SMYD2: variants seen among roughly 807,000 people sequenced by gnomAD.
SMYD2 encodes N-lysine methyltransferase SMYD2.
A neutral mutation model predicts 59.1 loss-of-function variants in SMYD2; 53 were observed. The observed-to-expected ratio is 0.90, with a 90% CI of 0.72 to 1.13. The LOEUF (loss-of-function observed/expected upper bound fraction) is 1.13. Among genes scored for constraint, SMYD2 ranks in the 50% most tolerant of loss-of-function variants. The probability of loss-of-function intolerance (pLI) is 0.00; values close to 1 mark genes in which losing one functional copy is unlikely to be tolerated. For missense variants in SMYD2, 494 were observed against 544.7 expected, an observed-to-expected ratio of 0.91 and a Z score of 0.93; for synonymous variants, 208 against 198.8, an observed-to-expected ratio of 1.05 and a Z score of -0.39.
intron 1 of SMYD2, among the ~76,000 whole-genome samples, chr1:214,303,318 A>T (rs1656855958): frequency 1.3e-5 from 2 of 152,126 alleles, no homozygotes; most frequent in South Asian, 4.1e-4. Context: ...TGCACAGTGC[A>T]CATCACGCAG....
chr1:214,307,990 C>G (rs1656941559), intron 2 of SMYD2, among the ~76,000 whole-genome samples: 2 of 152,224 alleles, frequency 1.3e-5, no homozygotes, highest in Admixed American at 1.3e-4. Flanking sequence ...ATGGAGGAAA[C>G]AGTTACGGGA....
intron 9 of SMYD2, chr1:214,331,790 G>A (rs1369788279): frequency 7.6e-6 from 4 of 524,594 alleles, no homozygotes. Context: ...CTAGGGGTCT[G>A]GACCCTGCGG....
At chr1:214,333,947 A>G in intron 10 of SMYD2, 1 of 358,314 alleles carries the variant, frequency 2.8e-6, no homozygotes, top group Non-Finnish European at 5.2e-6. Flanking sequence ...AATGCTTTTG[A>G]ATAGGATTTC....
Position 214,312,828 on chromosome 1 carries a change from A to G in SMYD2, c.238-1934A>G, listed in dbSNP as rs1301196565. On this transcript the variant is annotated intron_variant, in intron 2 of 11. Coordinates refer to ENST00000366957, the MANE Select transcript of SMYD2 (RefSeq NM_020197.3). This position sits in a 1 kb window ranked among gnomAD's most constrained non-coding sequence, Gnocchi z 4.1. ...GCCTTTTGCCTGGATGAGAAAAGCCATTAGGTTTTGAGCTGAGGACTGGCC... is the reference window on the plus strand; with the variant it reads ...GCCTTTTGCCTGGATGAGAAAAGCCGTTAGGTTTTGAGCTGAGGACTGGCC... Among the ~76,000 whole-genome samples the G allele has an allele frequency of 6.6e-6, 1 of 152,196 alleles. No individual in the cohort carries two copies. The highest frequency in any genetic ancestry group is 1.5e-5 in the Non-Finnish European group (1 of 68,030).
chr1:214,284,630 G>T (rs920469680), intron 1 of SMYD2, among the ~76,000 whole-genome samples: 1 of 151,072 alleles, frequency 6.6e-6, no homozygotes, highest in Non-Finnish European at 1.5e-5. Context: ...GCAGTGGCAC[G>T]ATCTTGGCTC....
intron 10 of SMYD2, chr1:214,332,598 A>G (rs1416184921): frequency 6.4e-6 from 1 of 156,698 alleles, no homozygotes; most frequent in Non-Finnish European, 1.4e-5. Context: ...GCTTTTTCAA[A>G]TTACAGCCCC....
At chr1:214,335,409 A>G (rs1657420899) in intron 11 of SMYD2, among the ~76,000 whole-genome samples, 2 of 152,230 alleles carry the variant, frequency 1.3e-5, no homozygotes, top group South Asian at 4.1e-4. Flanking sequence ...AGCAAGGAAC[A>G]TGAGTCTTGA....
At chr1:214,292,006 CTATT>C (rs1217178749) in intron 1 of SMYD2, among the ~76,000 whole-genome samples, 8 of 151,898 alleles carry the variant, frequency 5.3e-5, no homozygotes, top group Non-Finnish European at 7.4e-5. Context: ...TAGGAACAAT[CTATT>C]TATTTCATCC....
intron 6 of SMYD2, among the ~76,000 whole-genome samples, chr1:214,326,237 CAAAAAA>C (rs35269144): frequency 1.1e-5 from 1 of 90,758 alleles, no homozygotes. Context: ...GACTCCATCT[CAAAAAA>C]AAAAAAAAAA....
intron 2 of SMYD2, among the ~76,000 whole-genome samples, chr1:214,309,817 A>G (rs927037630): frequency 2.0e-5 from 3 of 152,186 alleles, no homozygotes; most frequent in Non-Finnish European, 4.4e-5. Context: ...AGTATGTCTC[A>G]TTGCTTGTAT....
chr1:214,323,914 G>A (rs1203338570), intron 5 of SMYD2, among the ~76,000 whole-genome samples: 1 of 152,110 alleles, frequency 6.6e-6, no homozygotes, highest in African/African-American at 2.4e-5. Flanking sequence ...CTCACCTTAT[G>A]AGATGAGCAT....
At chr1:214,333,072 ACTC>A (rs1657380982) in intron 10 of SMYD2, 1 of 151,996 alleles carries the variant, frequency 6.6e-6, no homozygotes, top group Non-Finnish European at 1.5e-5. Context: ...TCCACTGCCC[ACTC>A]CACCCTCTAC....
intron 2 of SMYD2, among the ~76,000 whole-genome samples, chr1:214,306,480 T>C (rs907453085): frequency 1.3e-5 from 2 of 152,166 alleles, no homozygotes; most frequent in South Asian, 2.1e-4. Context: ...ATATGCACCG[T>C]CCCCTTCCCT....
At chr1:214,328,531 T>G (rs759288617) in intron 7 of SMYD2, among the ~76,000 whole-genome samples, 1 of 152,204 alleles carries the variant, frequency 6.6e-6, no homozygotes, top group Non-Finnish European at 1.5e-5. Flanking sequence ...TCTGTGTTCT[T>G]AAGTAAATTC....
intron 1 of SMYD2, among the ~76,000 whole-genome samples, chr1:214,284,633 C>A (rs990295277): frequency 6.6e-5 from 10 of 151,428 alleles, no homozygotes; most frequent in African/African-American, 2.4e-4. Flanking sequence ...GTGGCACGAT[C>A]TTGGCTCACT....
chr1:214,330,919 A>G, intron 8 of SMYD2, 31 bp from the exon 9 acceptor site: 2 of 1,613,458 alleles, frequency 1.2e-6, no homozygotes, highest in Non-Finnish European at 1.7e-6. Context: ...CATGGGCGGT[A>G]ACGCCTTGCC....
At chr1:214,299,886 G>A (rs1189987076) in intron 1 of SMYD2, among the ~76,000 whole-genome samples, 1 of 152,174 alleles carries the variant, frequency 6.6e-6, no homozygotes, top group Non-Finnish European at 1.5e-5. Flanking sequence ...GATTACAGGC[G>A]TGAGCCACCA....
rs1360687135 is a variant in SMYD2, at chr1:214,287,717, AATAAT to A, written c.173+6299_173+6303del. On this transcript the variant is annotated intron_variant, in intron 1 of 11. Transcript: ENST00000366957. Reference sequence around the variant, plus strand: ...TCAGTATTTTTCAAAACCTAATGGAAATAATATAATATACCTACACAGGTAAACCT... The same window carrying A: ...TCAGTATTTTTCAAAACCTAATGGAAATAATATACCTACACAGGTAAACCT... Among the ~76,000 whole-genome samples the A allele has an allele frequency of 3.9e-5, 6 of 152,272 alleles. No individual in the cohort carries two copies. In the South Asian group the frequency reaches 8.3e-4, roughly 21 times the overall value.
chr1:214,300,203 C>G (rs1371759504), intron 1 of SMYD2, among the ~76,000 whole-genome samples: 1 of 152,124 alleles, frequency 6.6e-6, no homozygotes, highest in Non-Finnish European at 1.5e-5. Flanking sequence ...GTAGTAAAAT[C>G]TTCCCTAGAG....
Sources: allele counts gnomAD v4.1 joint callset (sites outside exome capture counted in the v4.1 genomes callset), GRCh38; gene constraint gnomAD v4.1.1; non-coding constraint Gnocchi (gnomAD v3.1); transcripts MANE v1.5; gene names NCBI Gene and HGNC (gene_info 2026-07-23, HGNC 2026-07-21).